DLC1: variants seen among roughly 807,000 people sequenced by gnomAD.
DLC1 encodes DLC1 Rho GTPase activating protein.
Under a neutral mutation model 140.3 loss-of-function variants are expected in DLC1, and 54 were observed. The ratio of observed to expected loss-of-function variants is 0.38; its 90% CI spans 0.31 to 0.48. The LOEUF (loss-of-function observed/expected upper bound fraction) is 0.48. Ranked by LOEUF, DLC1 falls within the 20% of genes least tolerant of loss-of-function variation. The pLI, the probability that DLC1 is intolerant of heterozygous loss-of-function variation, is 0.96. For missense variants in DLC1, 2,536 were observed against 1,907.0 expected, an observed-to-expected ratio of 1.33 and a Z score of -6.14; for synonymous variants, 986 against 728.1, an observed-to-expected ratio of 1.35 and a Z score of -5.70.
In DLC1 at chr8:13,187,934, A is replaced by AT. The variant is rs1474181903; in HGVS notation, c.1349-72278dup. ...TATAAGAAGACAGACATATAAGGTA[A>AT]TTTTTTTTTCTCTTGCTCTCCTTCT... On this transcript the variant is annotated intron_variant, in intron 5 of 17. Transcript: ENST00000276297. Among the ~76,000 whole-genome samples, 19 of 151,536 alleles carry AT rather than the reference A, an allele frequency of 1.3e-4. No individual in the cohort carries two copies. The South Asian group carries it at 1.3e-3, about 10-fold the overall frequency.
At chr8:13,199,497 C>A (rs900997550) in intron 5 of DLC1, among the ~76,000 whole-genome samples, 1 of 152,120 alleles carries the variant, frequency 6.6e-6, no homozygotes, top group Non-Finnish European at 1.5e-5. Flanking sequence ...TTCTTCAGAA[C>A]CCTACTGCAA....
intron 1 of DLC1, among the ~76,000 whole-genome samples, chr8:13,562,531 A>T (rs1333476275): frequency 1.3e-5 from 2 of 152,238 alleles, no homozygotes; most frequent in African/African-American, 4.8e-5. Context: ...ATCATTTCTT[A>T]TCCTTTAGAT....
At chr8:13,324,858 T>C (rs1833273665) in intron 4 of DLC1, among the ~76,000 whole-genome samples, 1 of 152,198 alleles carries the variant, frequency 6.6e-6, no homozygotes, top group Admixed American at 6.5e-5. Context: ...CGTGTGTGTG[T>C]GTGTGTCTGT....
At chr8:13,414,434 A>G (rs953267846) in intron 2 of DLC1, among the ~76,000 whole-genome samples, 1 of 152,192 alleles carries the variant, frequency 6.6e-6, no homozygotes, top group African/African-American at 2.4e-5. Flanking sequence ...CAATATGTTG[A>G]ATCCTGGCTT....
intron 4 of DLC1, among the ~76,000 whole-genome samples, chr8:13,358,702 G>C (rs1835063324): frequency 6.7e-6 from 1 of 148,728 alleles, no homozygotes. Flanking sequence ...AAAAAAAAAT[G>C]CTAACAAAGA....
chr8:13,396,618 C>T (rs1837055928), intron 3 of DLC1, among the ~76,000 whole-genome samples: 1 of 151,996 alleles, frequency 6.6e-6, no homozygotes, highest in Non-Finnish European at 1.5e-5. Flanking sequence ...AAGTCGTATC[C>T]CAAGGTAGAG....
intron 3 of DLC1, among the ~76,000 whole-genome samples, chr8:13,400,245 G>C (rs1837234601): frequency 6.6e-6 from 1 of 152,086 alleles, no homozygotes; most frequent in African/African-American, 2.4e-5. Flanking sequence ...GAAGGAAGGA[G>C]AACTGACCAT....
At chr8:13,167,280 A>G (rs1245584180) in intron 5 of DLC1, among the ~76,000 whole-genome samples, 1 of 151,328 alleles carries the variant, frequency 6.6e-6, no homozygotes, top group Non-Finnish European at 1.5e-5. Context: ...AACATTTCCT[A>G]TGTTCTTAAG....
chr8:13,095,342 A>C, intron 10 of DLC1, 97 bp from the exon 11 acceptor site: 1 of 1,466,494 alleles, frequency 6.8e-7, no homozygotes, highest in South Asian at 1.2e-5. Flanking sequence ...TGGGCTCCAG[A>C]TCTGTGCTAA....
intron 5 of DLC1, among the ~76,000 whole-genome samples, chr8:13,270,689 A>T (rs1267420954): frequency 6.6e-6 from 1 of 152,180 alleles, no homozygotes; most frequent in Non-Finnish European, 1.5e-5. Context: ...TTCTCTCCAG[A>T]GATACAGAAA....
chr8:13,553,990 C>A (rs1044169941), intron 1 of DLC1, among the ~76,000 whole-genome samples: 1 of 152,020 alleles, frequency 6.6e-6, no homozygotes, highest in African/African-American at 2.4e-5. Flanking sequence ...GTATTCGGGA[C>A]TTCTTGTTTT....
intron 4 of DLC1, among the ~76,000 whole-genome samples, chr8:13,355,258 G>T (rs1044450143): frequency 6.6e-6 from 1 of 152,176 alleles, no homozygotes; most frequent in African/African-American, 2.4e-5. Context: ...GGCTAAGGCA[G>T]GTGGCTCACT....
intron 5 of DLC1, among the ~76,000 whole-genome samples, chr8:13,282,597 T>G (rs969473858): frequency 1.3e-5 from 2 of 152,192 alleles, no homozygotes; most frequent in Non-Finnish European, 2.9e-5. Flanking sequence ...ATAATTTCCT[T>G]TATTTTGTTC....
At chr8:13,535,826 A>G (rs1015985233) in intron 1 of DLC1, among the ~76,000 whole-genome samples, 3 of 152,134 alleles carry the variant, frequency 2.0e-5, no homozygotes, top group Admixed American at 6.6e-5. Context: ...CTGATTATCT[A>G]CTTAATAGAT....
intron 5 of DLC1, among the ~76,000 whole-genome samples, chr8:13,282,254 G>A (rs939835372): frequency 1.3e-5 from 2 of 152,120 alleles, no homozygotes; most frequent in Admixed American, 1.3e-4. Flanking sequence ...TGTTTGTTTG[G>A]GTTTAATCCT....
chr8:13,101,816 G>C (rs866781124), intron 8 of DLC1, among the ~76,000 whole-genome samples: 10 of 152,264 alleles, frequency 6.6e-5, no homozygotes, highest in Middle Eastern at 3.4e-3. Context: ...GATTATGCCC[G>C]ATTTATGTAC....
chr8:13,526,371 AT>A (rs1219095986), intron 1 of DLC1, among the ~76,000 whole-genome samples: 1 of 152,144 alleles, frequency 6.6e-6, no homozygotes, highest in Admixed American at 6.6e-5. Context: ...ATTTTGATCA[AT>A]TTATTATTTG....
intron 1 of DLC1, among the ~76,000 whole-genome samples, chr8:13,527,327 A>G (rs1225726293): frequency 6.6e-6 from 1 of 152,198 alleles, no homozygotes; most frequent in African/African-American, 2.4e-5. Context: ...TTTTCTCAAT[A>G]TGATTTTTCT....
intron 5 of DLC1, among the ~76,000 whole-genome samples, chr8:13,229,904 G>T (rs1391102756): frequency 6.6e-6 from 1 of 152,162 alleles, no homozygotes; most frequent in African/African-American, 2.4e-5. Context: ...AATAAATTTA[G>T]TCCCATGTGG....
Sources: gnomAD v4.1 joint callset for allele counts (sites outside exome capture counted in the v4.1 genomes callset) on GRCh38, gnomAD v4.1.1 for gene constraint, MANE v1.5 for transcripts, NCBI Gene and HGNC (gene_info 2026-07-23, HGNC 2026-07-21) for gene names.